PAPPA2: variants seen among roughly 807,000 people sequenced by gnomAD.
PAPPA2 encodes pappalysin 2.
PAPPA2 carries 86 observed loss-of-function variants against 176.4 expected under a neutral mutation model. The observed-to-expected ratio is 0.49, with a 90% CI of 0.41 to 0.58. PAPPA2 has a LOEUF of 0.58. PAPPA2 is among the 20% of genes least tolerant of loss of function. The pLI, the probability that PAPPA2 is intolerant of heterozygous loss-of-function variation, is 0.00. For missense variants in PAPPA2, 2,073 were observed against 2,256.9 expected (o/e 0.92, Z 1.65); for synonymous variants, 809 against 852.2 (o/e 0.95, Z 0.88).
intron 1 of PAPPA2, among the ~76,000 whole-genome samples, chr1:176,517,274 GGTGGAAGGAGGAAAGCA>G (rs1648968080): frequency 6.6e-6 from 1 of 152,158 alleles, no homozygotes; most frequent in Non-Finnish European, 1.5e-5. Context: ...GGGAATGGCA[GGTGGAAGGAGGAAAGCA>G]TGAATATTAA....
intron 12 of PAPPA2, among the ~76,000 whole-genome samples, chr1:176,714,475 T>C (rs1558537692): frequency 6.6e-6 from 1 of 151,868 alleles, no homozygotes; most frequent in Non-Finnish European, 1.5e-5. Context: ...TCAGGTATTA[T>C]TAAACACCCT....
chr1:176,730,202 G>C (rs1236748264), intron 12 of PAPPA2, among the ~76,000 whole-genome samples: 1 of 151,716 alleles, frequency 6.6e-6, no homozygotes, highest in Non-Finnish European at 1.5e-5. Flanking sequence ...AGGATGATCT[G>C]TTTCTTCAAA....
intron 19 of PAPPA2, among the ~76,000 whole-genome samples, chr1:176,792,768 T>C (rs189832513): frequency 1.3e-5 from 2 of 152,100 alleles, no homozygotes; most frequent in African/African-American, 4.8e-5. Flanking sequence ...CATAGAAACC[T>C]AGACAGTAAG....
chr1:176,668,899 G>A (rs536228424), intron 3 of PAPPA2, among the ~76,000 whole-genome samples: 5 of 152,132 alleles, frequency 3.3e-5, no homozygotes, highest in Non-Finnish European at 5.9e-5. Context: ...TAATTTATGC[G>A]TGGAGAGAAG....
At chr1:176,494,607 G>A (rs1381699380) in intron 1 of PAPPA2, among the ~76,000 whole-genome samples, 1 of 152,114 alleles carries the variant, frequency 6.6e-6, no homozygotes, top group Non-Finnish European at 1.5e-5. Flanking sequence ...TGCAAGCTGT[G>A]CATGCATAAC....
At chr1:176,628,955 T>A (rs1423122194) in intron 3 of PAPPA2, among the ~76,000 whole-genome samples, 1 of 152,218 alleles carries the variant, frequency 6.6e-6, no homozygotes, top group Non-Finnish European at 1.5e-5. Flanking sequence ...ATGCTACCCA[T>A]GAAACTTAAG....
intron 4 of PAPPA2, among the ~76,000 whole-genome samples, chr1:176,677,047 T>C (rs985455406): frequency 2.6e-5 from 4 of 152,152 alleles, no homozygotes; most frequent in Non-Finnish European, 4.4e-5. Context: ...AGTAAAAAAC[T>C]AGACTGAACA....
At chr1:176,585,685 A>AT (rs201340977) in intron 2 of PAPPA2, among the ~76,000 whole-genome samples, 1 of 151,546 alleles carries the variant, frequency 6.6e-6, no homozygotes, top group Non-Finnish European at 1.5e-5. Flanking sequence ...TTTAAAATAT[A>AT]TTTTTTTTGT....
intron 1 of PAPPA2, among the ~76,000 whole-genome samples, chr1:176,467,608 G>T (rs557690869): frequency 6.6e-6 from 1 of 152,274 alleles, no homozygotes; most frequent in East Asian, 1.9e-4. Context: ...AGTTGACAGC[G>T]CCAGGTGCTA....
chr1:176,468,830 C>A (rs945129311), intron 1 of PAPPA2, among the ~76,000 whole-genome samples: 5 of 152,154 alleles, frequency 3.3e-5, no homozygotes, highest in African/African-American at 1.2e-4. Context: ...TCTCTTTGTT[C>A]TTTGGGACAT....
At position 176,668,576 on chromosome 1, in the gene PAPPA2, C is replaced by T. The variant is rs1019772464; in HGVS notation, c.1992-2394C>T. On this transcript the variant is annotated intron_variant, in intron 3 of 22. Coordinates refer to ENST00000367662, the MANE Select transcript of PAPPA2 (RefSeq NM_020318.3). ...GGTTGAGAAGCTAAGACAATATCTT[C>T]ATTAGCTCCGATTAACTTTTGAAAT... is the stretch of plus-strand genomic sequence containing the variant. Among the ~76,000 whole-genome samples, 4 of 152,150 alleles carry T rather than the reference C, an allele frequency of 2.6e-5. No homozygotes were observed. The South Asian group carries it at 8.3e-4, about 32-fold the overall frequency.
intron 14 of PAPPA2, among the ~76,000 whole-genome samples, chr1:176,758,937 AT>A (rs1411776871): frequency 6.6e-6 from 1 of 152,130 alleles, no homozygotes; most frequent in Non-Finnish European, 1.5e-5. Context: ...CAACCCCATC[AT>A]TTTACTAATT....
rs1667631164 is a variant in PAPPA2 at position 176,845,528 on chromosome 1, G to C, written c.*3074G>C. The C allele has an allele frequency of 6.6e-6, 1 of 152,174 alleles. No individual in the cohort carries two copies. Among genetic ancestry groups the C allele is most frequent in the Non-Finnish European group, 1.5e-5 (1 of 68,036 alleles). The allele number at this position is 152,174 out of a possible 1,614,324, so 9.4% of individuals were successfully genotyped here. A position where few individuals can be genotyped will look rare whatever the true frequency, so the allele number is the denominator to read the frequency against. The stretch of plus-strand genomic sequence containing the variant: ...GTGAAAGGAGCTGATCTACTGTATT[G>C]TAATGTAAAACAGCTACAGCCAGTT... On this transcript the variant is annotated 3_prime_UTR_variant, in exon 23 of 23. Coordinates refer to ENST00000367662, the MANE Select transcript of PAPPA2 (RefSeq NM_020318.3).
chr1:176,733,473 G>A (rs944315554), intron 12 of PAPPA2, among the ~76,000 whole-genome samples: 96 of 152,218 alleles, frequency 6.3e-4, no homozygotes, highest in Non-Finnish European at 1.2e-4. Flanking sequence ...TGAGGGTAAA[G>A]CACTCATTTC....
intron 21 of PAPPA2, among the ~76,000 whole-genome samples, chr1:176,836,253 A>G (rs1667268239): frequency 6.6e-6 from 1 of 152,156 alleles, no homozygotes. Flanking sequence ...TTTTTTTATG[A>G]AAACGATGTG....
rs1304041542 is a variant in PAPPA2 at position 176,711,857 on chromosome 1, A to T, written c.3674A>T (p.Asp1225Val). Reference sequence around the variant, plus strand: ...CAGATTTGCACATCATACCATCCAGATTTACCCAACCACCGTCCCCTAACT... The same window carrying T: ...CAGATTTGCACATCATACCATCCAGTTTTACCCAACCACCGTCCCCTAACT... ...HSLICTSYHP[D>V]LPNHRPLTGW... Residue 1225 changes from aspartate (D) to valine (V), a missense_variant, in exon 12 of 23, where the codon GAT becomes GTT. By Grantham distance (152) the Asp-to-Val change is radical. Coordinates refer to ENST00000367662, the MANE Select transcript of PAPPA2 (RefSeq NM_020318.3). 4 of 1,611,614 alleles carry T rather than the reference A, an allele frequency of 2.5e-6. No homozygotes were observed. Among genetic ancestry groups the T allele is most frequent in the Non-Finnish European group, 3.4e-6 (4 of 1,178,004 alleles).
intron 14 of PAPPA2, among the ~76,000 whole-genome samples, chr1:176,764,660 G>A (rs926832008): frequency 1.3e-5 from 2 of 151,050 alleles, no homozygotes; most frequent in Non-Finnish European, 2.9e-5. Context: ...GCAGTGGCGA[G>A]ATCTGGGCTC....
intron 1 of PAPPA2, among the ~76,000 whole-genome samples, chr1:176,535,698 A>G (rs1028453838): frequency 6.6e-6 from 1 of 152,218 alleles, no homozygotes; most frequent in African/African-American, 2.4e-5. Flanking sequence ...TCTCAGTGAT[A>G]TCACATACTA....
chr1:176,769,679 G>T lies in PAPPA2; in HGVS notation c.4396G>T (p.Val1466Phe). Residue 1466 changes from valine (V) to phenylalanine (F), a missense_variant, in exon 16 of 23, where the codon GTT becomes TTT. Val to Phe is a conservative substitution (Grantham distance 50, BLOSUM62 -1). Transcript: ENST00000367662. The stretch of plus-strand genomic sequence containing the variant: ...GAGCTGCCTTCCCGTGGACTGCGGT[G>T]TTCCCGACCCGTCTTTGGTGAACTA... ...NVSCLPVDCGVPDPSLVNYAN... is the reference protein window; with the variant it reads ...NVSCLPVDCGFPDPSLVNYAN... The T allele has an allele frequency of 1.2e-6, 2 of 1,614,018 alleles. No individual in the cohort carries two copies. Among genetic ancestry groups the T allele is most frequent in the African/African-American group, 1.3e-5 (1 of 75,024 alleles).
Sources: gnomAD v4.1 joint callset for allele counts (sites outside exome capture counted in the v4.1 genomes callset) on GRCh38, gnomAD v4.1.1 for gene constraint, MANE v1.5 for transcripts, NCBI Gene and HGNC (gene_info 2026-07-23, HGNC 2026-07-21) for gene names.